The following PBX1 variants were observed in gnomAD, a reference collection of about 807,000 sequenced individuals.
PBX1 encodes the protein PBX homeobox 1.
A neutral mutation model predicts 53.4 loss-of-function variants in PBX1; 6 were observed. That is an observed-to-expected ratio of 0.11 (90% CI 0.06 to 0.22). The LOEUF is 0.22. Ranked by LOEUF, PBX1 falls within the 10% of genes least tolerant of loss-of-function variation. The pLI is 1.00. For missense variants in PBX1, 251 were observed against 551.4 expected (o/e 0.46, Z 5.46); for synonymous variants, 204 against 212.3 (o/e 0.96, Z 0.34).
In PBX1 at chr1:164,598,853, AC is replaced by A. The variant is rs1183404196; in HGVS notation, c.265+35545del. ...GTGATTAGATTTGACCTTTAAAACT[AC>A]CCGGAGGTAGGAAGGGGAGGGATCA... On this transcript the variant is annotated intron_variant, in intron 2 of 8. Coordinates refer to ENST00000420696, the MANE Select transcript of PBX1 (RefSeq NM_002585.4). 1.1e-4 allele frequency among the ~76,000 whole-genome samples: 16 copies of A among 152,264 alleles called. No homozygotes were observed. The East Asian group carries it at 3.1e-3, about 29-fold the overall frequency.
At chr1:164,656,901 A>C (rs1012540206) in intron 2 of PBX1, among the ~76,000 whole-genome samples, 4 of 152,240 alleles carry the variant, frequency 2.6e-5, no homozygotes, top group Admixed American at 2.6e-4. Context: ...CTGGTGATTC[A>C]AGTGTGAGTT....
At chr1:164,661,318 A>C (rs1660474711) in intron 2 of PBX1, among the ~76,000 whole-genome samples, 1 of 152,102 alleles carries the variant, frequency 6.6e-6, no homozygotes, top group Admixed American at 6.5e-5. Flanking sequence ...GCCATCTGGC[A>C]TGAGGGATAA....
At chr1:164,655,263 G>A (rs745835871) in intron 2 of PBX1, among the ~76,000 whole-genome samples, 102 of 152,088 alleles carry the variant, frequency 6.7e-4, no homozygotes, top group Non-Finnish European at 1.2e-3. Context: ...ACAGGCATGC[G>A]CCACCACGCC....
At chr1:164,842,039 C>T (rs1364578553) in intron 8 of PBX1, among the ~76,000 whole-genome samples, 1 of 152,154 alleles carries the variant, frequency 6.6e-6, no homozygotes, top group Non-Finnish European at 1.5e-5. Flanking sequence ...GTGATGAATT[C>T]TCTGCATCAA....
chr1:164,776,970 A>AT (rs1244192057), intron 2 of PBX1, among the ~76,000 whole-genome samples: 1,288 of 92,590 alleles, frequency 0.014, 66 homozygotes, highest in East Asian at 0.039. Flanking sequence ...AGAGAGAGAG[A>AT]GAGAGAGAGG....
chr1:164,628,806 A>C (rs1244636872), intron 2 of PBX1, among the ~76,000 whole-genome samples: 1 of 152,052 alleles, frequency 6.6e-6, no homozygotes, highest in African/African-American at 2.4e-5. Flanking sequence ...CCGCCTTATT[A>C]CTCACGAGTG....
intron 2 of PBX1, among the ~76,000 whole-genome samples, chr1:164,645,516 C>T (rs1277918174): frequency 1.3e-5 from 2 of 149,026 alleles, no homozygotes; most frequent in African/African-American, 5.0e-5. Flanking sequence ...GATTTTAAGG[C>T]AGAGGAGAAG....
chr1:164,864,524 A>G (rs1672171342), intron 2 of PBX1, among the ~76,000 whole-genome samples: 1 of 152,002 alleles, frequency 6.6e-6, no homozygotes, highest in African/African-American at 2.4e-5. Context: ...CCCATCCCCA[A>G]CCCCAACTGT....
chr1:164,658,625 G>A (rs1166739945), intron 2 of PBX1, among the ~76,000 whole-genome samples: 1 of 152,068 alleles, frequency 6.6e-6, no homozygotes, highest in African/African-American at 2.4e-5. Flanking sequence ...AAACTGTTTG[G>A]CATTCCAGCC....
At chr1:164,707,829 C>T (rs1307734042) in intron 2 of PBX1, among the ~76,000 whole-genome samples, 2 of 152,156 alleles carry the variant, frequency 1.3e-5, no homozygotes, top group Non-Finnish European at 2.9e-5. Context: ...TAATTTCCCA[C>T]TAAATAGAGA....
rs375452746 is a variant in PBX1 at position 164,723,456 on chromosome 1, A to G, written c.266-69038A>G. Among the ~76,000 whole-genome samples the G allele has an allele frequency of 5.7e-4, 87 of 152,294 alleles. 3 individuals are homozygous for G. The South Asian group carries it at 0.016, about 29-fold the overall frequency. Reference sequence around the variant, plus strand: ...AGCATTGGCAGTCATCAAAGAATTAATGTTGGACGAGCAGGGGTGGCGGGC... The same window carrying G: ...AGCATTGGCAGTCATCAAAGAATTAGTGTTGGACGAGCAGGGGTGGCGGGC... On this transcript the variant is annotated intron_variant, in intron 2 of 8. Coordinates refer to ENST00000420696, the MANE Select transcript of PBX1 (RefSeq NM_002585.4).
chr1:164,613,547 C>G (rs1657079683), intron 2 of PBX1, among the ~76,000 whole-genome samples: 1 of 152,184 alleles, frequency 6.6e-6, no homozygotes, highest in South Asian at 2.1e-4. Context: ...CATTGTGTGT[C>G]TGTCTGTGAG....
chr1:164,856,188 C>A (rs1671971395), downstream of PBX1, among the ~76,000 whole-genome samples: 1 of 152,150 alleles, frequency 6.6e-6, no homozygotes, highest in Non-Finnish European at 1.5e-5. Flanking sequence ...GGGCACCACT[C>A]CCCACAAAGC....
intron 2 of PBX1, among the ~76,000 whole-genome samples, chr1:164,633,622 A>G (rs1557904433): frequency 6.6e-6 from 1 of 152,208 alleles, no homozygotes. Flanking sequence ...CTTTCCCTGC[A>G]GATTTCCTGT....
chr1:164,697,667 C>T (rs1378495894), intron 2 of PBX1, among the ~76,000 whole-genome samples: 3 of 152,172 alleles, frequency 2.0e-5, no homozygotes, highest in African/African-American at 7.2e-5. Flanking sequence ...CACTTGGTGC[C>T]TTGAGGTCAC....
intron 2 of PBX1, among the ~76,000 whole-genome samples, chr1:164,639,202 A>T (rs1204552089): frequency 6.6e-6 from 1 of 152,206 alleles, no homozygotes; most frequent in Non-Finnish European, 1.5e-5. Flanking sequence ...GTATAAAGTA[A>T]TTGTTGCTGT....
rs1404455725 is a variant in PBX1, at chr1:164,761,090, AT to A, written c.266-31402del. On this transcript the variant is annotated intron_variant, in intron 2 of 8. Transcript: ENST00000420696. ...ATTCTTAGCAGTGACTGCATGATTTATTCAAGAATCTTGAGTAAAACCACTT... is the reference window on the plus strand; with the variant it reads ...ATTCTTAGCAGTGACTGCATGATTTATCAAGAATCTTGAGTAAAACCACTT... 2.0e-5 allele frequency among the ~76,000 whole-genome samples: 3 copies of A among 152,174 alleles called. No individual in the cohort carries two copies. In the East Asian group the frequency reaches 5.8e-4, roughly 29 times the overall value.
intron 2 of PBX1, among the ~76,000 whole-genome samples, chr1:164,673,502 G>T (rs999277476): frequency 2.5e-5 from 3 of 121,996 alleles, no homozygotes; most frequent in Non-Finnish European, 4.8e-5. Context: ...ACGGAATCTC[G>T]CACTGTTGCC....
chr1:164,799,949 C>G, intron 4 of PBX1, 60 bp downstream of exon 4: 1 of 1,468,036 alleles, frequency 6.8e-7, no homozygotes, highest in Admixed American at 1.8e-5. Context: ...GGGCTGGAGT[C>G]CACAGCCGCT....
Sources: gnomAD v4.1 joint callset for allele counts (sites outside exome capture counted in the v4.1 genomes callset) on GRCh38, gnomAD v4.1.1 for gene constraint, MANE v1.5 for transcripts, NCBI Gene and HGNC (gene_info 2026-07-23, HGNC 2026-07-21) for gene names.